Variants in NKAIN3 observed in about 807,000 individuals in gnomAD.
The protein encoded by NKAIN3 is sodium/potassium transporting ATPase interacting 3.
A neutral mutation model predicts 30.2 loss-of-function variants in NKAIN3; 25 were observed. That is an observed-to-expected ratio of 0.83 (90% CI 0.60 to 1.16). The LOEUF (loss-of-function observed/expected upper bound fraction) is 1.16. Among genes scored for constraint, NKAIN3 ranks in the 50% most tolerant of loss-of-function variants. The pLI, the probability that NKAIN3 is intolerant of heterozygous loss-of-function variation, is 0.00. For missense variants in NKAIN3, 225 were observed against 254.1 expected (o/e 0.89, Z 0.78); for synonymous variants, 91 against 89.6 (o/e 1.02, Z -0.09).
intron 1 of NKAIN3, among the ~76,000 whole-genome samples, chr8:62,372,996 T>C (rs1816956960): frequency 2.6e-5 from 4 of 152,170 alleles, no homozygotes; most frequent in African/African-American, 9.6e-5. Flanking sequence ...AAAACACTTT[T>C]AACAATTGTA....
At chr8:62,490,514 A>G (rs1201942199) in intron 1 of NKAIN3, among the ~76,000 whole-genome samples, 1 of 152,236 alleles carries the variant, frequency 6.6e-6, no homozygotes, top group Non-Finnish European at 1.5e-5. Flanking sequence ...TGAAGCAATC[A>G]CATTATGGAA....
rs971289292 is a variant in NKAIN3 at position 62,974,618 on chromosome 8, T to A, written c.*9211T>A. Among the ~76,000 whole-genome samples, 1 of 152,202 alleles carries A rather than the reference T, an allele frequency of 6.6e-6. No individual in the cohort carries two copies. Among genetic ancestry groups the A allele is most frequent in the African/African-American group, 2.4e-5 (1 of 41,444 alleles). On this transcript the variant is annotated 3_prime_UTR_variant, in exon 7 of 7. Coordinates refer to ENST00000623646, the MANE Select transcript of NKAIN3 (RefSeq NM_001304533.3). The stretch of plus-strand genomic sequence containing the variant: ...CATATCATCTGCAAACAGAGATAAT[T>A]TGACTTTCTCTCTTCCTATTCGAAT...
chr8:62,423,553 C>A (rs1262957213), intron 1 of NKAIN3, among the ~76,000 whole-genome samples: 1 of 151,650 alleles, frequency 6.6e-6, no homozygotes, highest in Non-Finnish European at 1.5e-5. Flanking sequence ...CTTCTCTTTT[C>A]TGTTATTGGC....
chr8:62,638,648 C>T (rs1245411474), intron 3 of NKAIN3, among the ~76,000 whole-genome samples: 1 of 152,102 alleles, frequency 6.6e-6, no homozygotes, highest in Non-Finnish European at 1.5e-5. Flanking sequence ...ATTAGTATTG[C>T]TGATGCTGTT....
intron 1 of NKAIN3, among the ~76,000 whole-genome samples, chr8:62,572,009 T>C (rs1809958706): frequency 6.6e-6 from 1 of 152,180 alleles, no homozygotes; most frequent in African/African-American, 2.4e-5. Flanking sequence ...TGGGCTTCTC[T>C]TTACTTAGGC....
intron 3 of NKAIN3, among the ~76,000 whole-genome samples, chr8:62,669,812 A>T (rs1813243424): frequency 6.6e-6 from 1 of 152,188 alleles, no homozygotes; most frequent in Non-Finnish European, 1.5e-5. Context: ...TTACATTTAC[A>T]AACAGCTGCA....
intron 3 of NKAIN3, among the ~76,000 whole-genome samples, chr8:62,732,153 A>G (rs1300067385): frequency 6.6e-6 from 1 of 152,160 alleles, no homozygotes; most frequent in East Asian, 1.9e-4. Flanking sequence ...TTATGACCCA[A>G]AAGTCGTAAC....
chr8:62,392,796 T>A (rs1382098381), intron 1 of NKAIN3, among the ~76,000 whole-genome samples: 1 of 152,074 alleles, frequency 6.6e-6, no homozygotes, highest in Non-Finnish European at 1.5e-5. Flanking sequence ...CTTGTCATTT[T>A]TTAAAACTGC....
At chr8:62,391,890 C>T (rs1286740881) in intron 1 of NKAIN3, among the ~76,000 whole-genome samples, 1 of 149,490 alleles carries the variant, frequency 6.7e-6, no homozygotes, top group Non-Finnish European at 1.5e-5. Context: ...ATGTCACACA[C>T]ATCTTGTTAT....
chr8:62,362,356 G>A (rs556259146), intron 1 of NKAIN3, among the ~76,000 whole-genome samples: 5 of 152,214 alleles, frequency 3.3e-5, no homozygotes, highest in South Asian at 2.1e-4. Flanking sequence ...CTCATGCCAC[G>A]TAATTTCCAA....
intron 3 of NKAIN3, 24 bp downstream of exon 3, chr8:62,589,818 T>G (rs749225854): frequency 7.5e-7 from 1 of 1,328,890 alleles, no homozygotes; most frequent in Non-Finnish European, 1.1e-6. Flanking sequence ...GCTTTTAAAG[T>G]ACACTTTAAA....
chr8:62,807,325 G>T (rs556067399), intron 4 of NKAIN3, among the ~76,000 whole-genome samples: 2 of 152,190 alleles, frequency 1.3e-5, no homozygotes, highest in South Asian at 4.1e-4. Flanking sequence ...AAGTTGGGGT[G>T]TGTCCTTCTC....
At chr8:62,574,463 AT>A (rs1810045026) in intron 1 of NKAIN3, among the ~76,000 whole-genome samples, 1 of 152,064 alleles carries the variant, frequency 6.6e-6, no homozygotes, top group Non-Finnish European at 1.5e-5. Context: ...AATTTATTTT[AT>A]TTAGTTTATT....
chr8:62,502,368 G>A (rs1235576878), intron 1 of NKAIN3, among the ~76,000 whole-genome samples: 1 of 152,032 alleles, frequency 6.6e-6, no homozygotes, highest in East Asian at 1.9e-4. Context: ...CCTACTAATT[G>A]ACATGATGCT....
At chr8:62,284,481 G>C (rs148647666) in intron 1 of NKAIN3, among the ~76,000 whole-genome samples, 1,658 of 151,954 alleles carry the variant, frequency 0.011, 39 homozygotes, top group African/African-American at 0.038. Flanking sequence ...ACAAAATTAG[G>C]CGGGCATGGT....
intron 4 of NKAIN3, among the ~76,000 whole-genome samples, chr8:62,904,887 T>A (rs1821731732): frequency 6.6e-6 from 1 of 151,654 alleles, no homozygotes; most frequent in Non-Finnish European, 1.5e-5. Flanking sequence ...ATTCAAGGAG[T>A]ATGATGATGT....
intron 1 of NKAIN3, among the ~76,000 whole-genome samples, chr8:62,283,927 A>C (rs982619009): frequency 3.3e-5 from 5 of 152,188 alleles, no homozygotes; most frequent in Non-Finnish European, 5.9e-5. Context: ...TATTGATTTA[A>C]AGAGAAATCA....
chr8:62,639,204 T>A (rs1812229185), intron 3 of NKAIN3, among the ~76,000 whole-genome samples: 2 of 152,136 alleles, frequency 1.3e-5, no homozygotes, highest in African/African-American at 2.4e-5. Flanking sequence ...ATATGGAAAT[T>A]GCTTTGGGAA....
In NKAIN3 at chr8:62,272,374, T is replaced by G. The variant is rs141113931; in HGVS notation, c.54+23247T>G. On this transcript the variant is annotated intron_variant, in intron 1 of 6. Coordinates refer to ENST00000623646, the MANE Select transcript of NKAIN3 (RefSeq NM_001304533.3). ...AGCACTGAAATGCTAACGCCAGTGA[T>G]GAACAGGAAGTCCTGTGCAACGAGG... 4.9e-3 allele frequency among the ~76,000 whole-genome samples: 750 copies of G among 152,254 alleles called. 8 individuals are homozygous for G. The highest frequency in any genetic ancestry group is 0.017 in the African/African-American group (721 of 41,556).
Sources: gnomAD v4.1 joint callset for allele counts (sites outside exome capture counted in the v4.1 genomes callset) on GRCh38, gnomAD v4.1.1 for gene constraint, MANE v1.5 for transcripts, NCBI Gene and HGNC (gene_info 2026-07-23, HGNC 2026-07-21) for gene names.